Variants in CFAP54 observed in about 807,000 individuals in gnomAD.
The protein encoded by CFAP54 is cilia- and flagella-associated protein 54.
A neutral mutation model predicts 370.4 loss-of-function variants in CFAP54; 290 were observed. The ratio of observed to expected loss-of-function variants is 0.78; its 90% confidence interval spans 0.71 to 0.86. The LOEUF (loss-of-function observed/expected upper bound fraction) is 0.86. CFAP54 is among the 40% of genes least tolerant of loss of function. CFAP54 has a pLI of 0.00. For synonymous variants in CFAP54, 1,206 were observed against 1,236.5 expected (o/e 0.98, Z 0.52); for missense variants, 3,399 against 3,528.7 (o/e 0.96, Z 0.93).
At chr12:96,637,475 T>A (rs1472293704) in intron 32 of CFAP54, among the ~76,000 whole-genome samples, 4 of 152,214 alleles carry the variant, frequency 2.6e-5, no homozygotes, top group Non-Finnish European at 5.9e-5. Flanking sequence ...TTACCTCATA[T>A]AATCTTGGGA....
Position 96,669,080 on chromosome 12 carries a change from G to A in CFAP54, c.5563+5148G>A, listed in dbSNP as rs562879555. Among the ~76,000 whole-genome samples, 8 of 152,314 alleles carry A rather than the reference G, an allele frequency of 5.3e-5. 1 individual carries two copies. The highest frequency in any genetic ancestry group is 3.9e-4 in the Admixed American group (6 of 15,294). On this transcript the variant is annotated intron_variant, in intron 39 of 67. Coordinates refer to ENST00000524981, the MANE Select transcript of CFAP54 (RefSeq NM_001306084.2). ...AGTATAGAGTGATAAGATATGTAATGTTATTACTACTGCTGCTGCCATAAA... is the reference window on the plus strand; with the variant it reads ...AGTATAGAGTGATAAGATATGTAATATTATTACTACTGCTGCTGCCATAAA...
At chr12:96,606,511 A>T (rs1956302813) in intron 26 of CFAP54, among the ~76,000 whole-genome samples, 2 of 152,246 alleles carry the variant, frequency 1.3e-5, no homozygotes, top group Admixed American at 1.3e-4. Context: ...TTAGGCTTTA[A>T]TGAGAAGAAA....
At chr12:96,842,569 G>A (rs990445119) in intron 66 of CFAP54, among the ~76,000 whole-genome samples, 11 of 152,046 alleles carry the variant, frequency 7.2e-5, no homozygotes, top group Non-Finnish European at 1.3e-4. Context: ...AAATTCTGTG[G>A]AGAGCCATTA....
chr12:96,675,780 C>T (rs1276153151), intron 39 of CFAP54, among the ~76,000 whole-genome samples: 2 of 151,974 alleles, frequency 1.3e-5, no homozygotes, highest in African/African-American at 4.8e-5. Context: ...GAGTTCATGT[C>T]CCTTGTAGGG....
chr12:96,644,675 G>T (rs902862620), intron 33 of CFAP54, among the ~76,000 whole-genome samples: 6 of 152,152 alleles, frequency 3.9e-5, no homozygotes, highest in Admixed American at 3.9e-4. Flanking sequence ...AAGCAAACAT[G>T]TCCTTCTACA....
chr12:96,575,885 T>C (rs141540177), intron 19 of CFAP54, among the ~76,000 whole-genome samples: 8 of 152,242 alleles, frequency 5.3e-5, no homozygotes, highest in African/African-American at 1.2e-4. Flanking sequence ...GGTTTTTACT[T>C]AGAGCTCAGT....
chr12:96,753,812 T>G lies in CFAP54; in HGVS notation c.7754T>G (p.Leu2585Arg), dbSNP rs1202774039. ...RKDPSKWLPALHLFDVALKLC... is the reference protein window; with the variant it reads ...RKDPSKWLPARHLFDVALKLC... ...GACCCCTCGAAGTGGTTACCTGCTCTTCATCTGTTTGATGTGGCACTGAAG... is the reference window on the plus strand; with the variant it reads ...GACCCCTCGAAGTGGTTACCTGCTCGTCATCTGTTTGATGTGGCACTGAAG... The change falls in exon 56 of 68, where the codon CTT (leucine) becomes CGT (arginine). Residue 2585 changes from leucine (L) to arginine (R), a missense_variant. Transcript: ENST00000524981. 1 of 1,614,104 alleles carries G rather than the reference T, an allele frequency of 6.2e-7. No homozygotes were observed. Among genetic ancestry groups the G allele is most frequent in the East Asian group, 2.2e-5 (1 of 44,868 alleles).
chr12:96,738,546 C>T (rs192669711), intron 50 of CFAP54, among the ~76,000 whole-genome samples: 90 of 151,688 alleles, frequency 5.9e-4, no homozygotes, highest in Non-Finnish European at 1.1e-3. Context: ...TGTTGCATGG[C>T]CCTCTTCTCC....
chr12:96,730,945 A>G (rs552895197), intron 50 of CFAP54, among the ~76,000 whole-genome samples: 34 of 152,350 alleles, frequency 2.2e-4, no homozygotes, highest in African/African-American at 7.9e-4. Context: ...TCTGTAAAGT[A>G]TGTTTGGAGC....
intron 26 of CFAP54, among the ~76,000 whole-genome samples, chr12:96,606,469 G>A (rs1956302173): frequency 6.6e-6 from 1 of 152,038 alleles, no homozygotes; most frequent in African/African-American, 2.4e-5. Flanking sequence ...CAAAAATATG[G>A]GAAAACAATT....
chr12:96,809,220 T>C (rs1174465563), intron 63 of CFAP54, among the ~76,000 whole-genome samples: 3 of 152,176 alleles, frequency 2.0e-5, no homozygotes, highest in African/African-American at 7.2e-5. Context: ...AAATGGAAAG[T>C]AATATTCTTC....
intron 32 of CFAP54, among the ~76,000 whole-genome samples, chr12:96,640,949 G>T (rs941213981): frequency 1.4e-4 from 22 of 152,080 alleles, no homozygotes; most frequent in East Asian, 5.8e-4. Flanking sequence ...AGACTTAAAT[G>T]TTAGACCTAA....
chr12:96,521,256 T>C (rs1284169806), intron 6 of CFAP54, among the ~76,000 whole-genome samples: 1 of 152,238 alleles, frequency 6.6e-6, no homozygotes, highest in African/African-American at 2.4e-5. Flanking sequence ...ATTGAGTTCT[T>C]AATAACTCCT....
chr12:96,686,972 G>A (rs1455400646), intron 42 of CFAP54, among the ~76,000 whole-genome samples: 4 of 152,064 alleles, frequency 2.6e-5, no homozygotes, highest in Non-Finnish European at 5.9e-5. Context: ...GTGTCATCAG[G>A]GCTGTGCTTC....
intron 63 of CFAP54, among the ~76,000 whole-genome samples, chr12:96,801,663 G>C (rs372613230): frequency 1.3e-5 from 2 of 152,114 alleles, no homozygotes; most frequent in African/African-American, 4.8e-5. Flanking sequence ...AGCATTCCTA[G>C]GAGGATCCAG....
rs1238181578 is a variant in CFAP54 at position 96,753,748 on chromosome 12, A to G, written c.7690A>G (p.Thr2564Ala). Residue 2564 changes from threonine (T) to alanine (A), a missense_variant, in exon 56 of 68, where the codon ACA becomes GCA. This residue lies in a region of CFAP54 where 2,796 missense variants were observed against 2,869.7 expected (regional missense o/e 0.97). Transcript: ENST00000524981. ...LAKIKMRIGH[T>A]VAKQVYYKNK... The stretch of plus-strand genomic sequence containing the variant: ...CCGAACTGTTTTTCTTTTAGGACAT[A>G]CAGTGGCCAAGCAAGTATATTACAA... 1.2e-6 allele frequency: 2 copies of G among 1,613,134 alleles called. No individual in the cohort carries two copies. Among genetic ancestry groups the G allele is most frequent in the South Asian group, 2.2e-5 (2 of 90,882 alleles).
chr12:96,536,823 C>T (rs1007665063), intron 12 of CFAP54, among the ~76,000 whole-genome samples: 3 of 151,802 alleles, frequency 2.0e-5, no homozygotes, highest in African/African-American at 7.3e-5. Context: ...GACGGGTTTC[C>T]CCATGTTGTA....
chr12:96,533,953 C>CA lies in CFAP54; in HGVS notation c.1520dup (p.His507GlnfsTer11). Reference sequence around the variant, plus strand: ...GAGTTTATTTGAATCTTCTGCTGTACATCTTATTTATTTTCTCCAGGTAAT... The same window carrying CA: ...GAGTTTATTTGAATCTTCTGCTGTACAATCTTATTTATTTTCTCCAGGTAAT... On this transcript the variant is annotated frameshift_variant, in exon 10 of 68. Coordinates refer to ENST00000524981, the MANE Select transcript of CFAP54 (RefSeq NM_001306084.2). LOFTEE classifies it high-confidence loss of function. 6.6e-7 allele frequency: 1 copy of CA among 1,518,340 alleles called. No individual in the cohort carries two copies. Among genetic ancestry groups the CA allele is most frequent in the Non-Finnish European group, 8.8e-7 (1 of 1,141,884 alleles). 94.1% of individuals were successfully genotyped at this position (1,518,340 alleles called of 1,614,324 possible).
intron 34 of CFAP54, among the ~76,000 whole-genome samples, chr12:96,648,652 G>A (rs1229470429): frequency 7.3e-6 from 1 of 137,426 alleles, no homozygotes; most frequent in Non-Finnish European, 1.5e-5. Flanking sequence ...GTGCAGTGGC[G>A]ATCTCGGCTG....
Sources: allele counts gnomAD v4.1 joint callset (sites outside exome capture counted in the v4.1 genomes callset), GRCh38; gene constraint gnomAD v4.1.1; regional missense constraint gnomAD v4.1.1; transcripts MANE v1.5; gene names NCBI Gene and HGNC (gene_info 2026-07-23, HGNC 2026-07-21).